The following KCNMB3 variants were observed in gnomAD, a reference collection of about 807,000 sequenced individuals.
The protein encoded by KCNMB3 is potassium calcium-activated channel subfamily M regulatory beta subunit 3, also known as calcium-activated potassium channel subunit beta-3.
KCNMB3 carries 18 observed loss-of-function variants against 11.9 expected under a neutral mutation model. The observed-to-expected ratio is 1.51, with a 90% CI of 1.04 to 2.23. The LOEUF (loss-of-function observed/expected upper bound fraction) is 2.23, where lower values mean the gene tolerates loss of function less well. Among genes scored for constraint, KCNMB3 ranks in the 30% most tolerant of loss-of-function variants. KCNMB3 has a pLI of 0.00. For synonymous variants in KCNMB3, 78 were observed against 119.2 expected, an observed-to-expected ratio of 0.65 and a Z score of 2.25; for missense variants, 247 against 329.4, an observed-to-expected ratio of 0.75 and a Z score of 1.94.
At chr3:179,262,425 T>C (rs998921626) in intron 1 of KCNMB3, among the ~76,000 whole-genome samples, 8 of 152,170 alleles carry the variant, frequency 5.3e-5, no homozygotes, top group African/African-American at 1.4e-4. Flanking sequence ...TCTCCCTGGC[T>C]TCAGGAGTGA....
At chr3:179,245,965 CAAAGT>C (rs1366221752) in intron 1 of KCNMB3, among the ~76,000 whole-genome samples, 2 of 152,184 alleles carry the variant, frequency 1.3e-5, no homozygotes, top group Non-Finnish European at 2.9e-5. Flanking sequence ...AAGTCCAAGA[CAAAGT>C]AAACGAGGGG....
upstream of KCNMB3, among the ~76,000 whole-genome samples, chr3:179,255,449 G>A (rs1576961174): frequency 6.6e-6 from 1 of 152,114 alleles, no homozygotes; most frequent in Non-Finnish European, 1.5e-5. Flanking sequence ...AAAATTTAAT[G>A]AACAGACATA....
rs1726178085 is a variant in KCNMB3 at position 179,260,710 on chromosome 3, T to C, written c.62+5939A>G. On this transcript the variant is annotated intron_variant, in intron 1 of 3. Coordinates refer to the KCNMB3 transcript ENST00000349697. ...TTCCATGTTTCTCGAGCATTTCCTCTGTTTGCTTCAGGGCCTCCTTGACTT... is the reference window on the plus strand; with the variant it reads ...TTCCATGTTTCTCGAGCATTTCCTCCGTTTGCTTCAGGGCCTCCTTGACTT... The C allele has an allele frequency of 2.1e-6, 3 of 1,420,196 alleles. No homozygotes were observed. The African/African-American group carries it at 4.2e-5, about 20-fold the overall frequency. 88.0% of individuals were successfully genotyped at this position (1,420,196 alleles called of 1,614,324 possible).
In KCNMB3 at chr3:179,244,205, G is replaced by A. The variant is rs187520706; in HGVS notation, c.447+290C>T. 2.4e-3 allele frequency among the ~76,000 whole-genome samples: 360 copies of A among 152,048 alleles called. 2 individuals are homozygous for A. Among genetic ancestry groups the A allele is most frequent in the African/African-American group, 7.7e-3 (320 of 41,464 alleles). ...CACTGTAGCATATGTCATATGGCGC[G>A]GAGTGGAATCTCCAAAAGAAAGACT... On this transcript the variant is annotated intron_variant, in intron 2 of 2. Coordinates refer to ENST00000392685, the MANE Select transcript of KCNMB3 (RefSeq NM_171830.2).
chr3:179,260,518 C>T, intron 1 of KCNMB3: 2 of 1,603,456 alleles, frequency 1.2e-6, no homozygotes, highest in Non-Finnish European at 8.5e-7. Context: ...ACATTCGCCA[C>T]GATTTCATTC....
At chr3:179,252,086 T>G (rs1336733294), upstream of KCNMB3, among the ~76,000 whole-genome samples, 1 of 152,120 alleles carries the variant, frequency 6.6e-6, no homozygotes, top group Non-Finnish European at 1.5e-5. Context: ...ACATTTCTCA[T>G]AAAAATGCTG....
chr3:179,243,944 C>A (rs577592524), intron 2 of KCNMB3, among the ~76,000 whole-genome samples: 1 of 152,106 alleles, frequency 6.6e-6, no homozygotes, highest in Non-Finnish European at 1.5e-5. Flanking sequence ...CAAAAGTCAT[C>A]GGATTGAAAT....
At chr3:179,255,080 A>G (rs1034254339), upstream of KCNMB3, among the ~76,000 whole-genome samples, 1 of 151,898 alleles carries the variant, frequency 6.6e-6, no homozygotes, top group African/African-American at 2.4e-5. Context: ...TGGGACAATC[A>G]CTTGAACCCA....
At chr3:179,264,474 C>T (rs62410376) in intron 1 of KCNMB3, among the ~76,000 whole-genome samples, 9,060 of 152,140 alleles carry the variant, frequency 0.06, 325 homozygotes, top group South Asian at 0.11. Flanking sequence ...AATACATGTC[C>T]GCTTCTAACC....
At chr3:179,250,279 T>C (rs1416659239) in intron 1 of KCNMB3, among the ~76,000 whole-genome samples, 1 of 152,170 alleles carries the variant, frequency 6.6e-6, no homozygotes, top group East Asian at 1.9e-4. Flanking sequence ...TATCACTACA[T>C]ATATTGAATA....
At chr3:179,265,140 T>C (rs1184491941) in intron 1 of KCNMB3, among the ~76,000 whole-genome samples, 1 of 152,234 alleles carries the variant, frequency 6.6e-6, no homozygotes, top group East Asian at 1.9e-4. Context: ...TGCCATAAAG[T>C]AATTCATTTT....
At chr3:179,266,546 A>T in intron 1 of KCNMB3, 1 of 1,376,302 alleles carries the variant, frequency 7.3e-7, no homozygotes, top group Non-Finnish European at 1.0e-6. Context: ...ATCCTCAGAG[A>T]AAAAGGAAAC....
chr3:179,247,730 T>A lies in KCNMB3; in HGVS notation c.248+3013A>T, dbSNP rs189651152. Among the ~76,000 whole-genome samples, 4 of 152,310 alleles carry A rather than the reference T, an allele frequency of 2.6e-5. No individual in the cohort carries two copies. In the East Asian group the frequency reaches 7.7e-4, roughly 29 times the overall value. On this transcript the variant is annotated intron_variant, in intron 1 of 2. Coordinates refer to ENST00000392685, the MANE Select transcript of KCNMB3 (RefSeq NM_171830.2). The stretch of plus-strand genomic sequence containing the variant: ...GCTAATACCAGAGAGAAGCTTCTTC[T>A]GGAATTCTTCCAACAGTGGCACTGT...
upstream of KCNMB3, among the ~76,000 whole-genome samples, chr3:179,252,970 T>C (rs369499419): frequency 6.6e-6 from 1 of 152,136 alleles, no homozygotes; most frequent in East Asian, 1.9e-4. Context: ...GACCTCGTGA[T>C]CCACCCACCT....
At chr3:179,255,593 T>A (rs1725986882), upstream of KCNMB3, among the ~76,000 whole-genome samples, 1 of 152,068 alleles carries the variant, frequency 6.6e-6, no homozygotes, top group African/African-American at 2.4e-5. Context: ...GAAAGATAGA[T>A]TAAATAGTGT....
At chr3:179,264,935 C>G (rs772505857) in intron 1 of KCNMB3, among the ~76,000 whole-genome samples, 5 of 152,074 alleles carry the variant, frequency 3.3e-5, no homozygotes, top group Non-Finnish European at 7.3e-5. Flanking sequence ...TTTGAAACAG[C>G]AAATAAGGTT....
rs755437025 is a variant in KCNMB3 at position 179,259,705 on chromosome 3, AT to A, written c.62+6943del. The A allele has an allele frequency of 5.5e-5, 87 of 1,593,026 alleles. No individual in the cohort carries two copies. In the Admixed American group the frequency reaches 5.9e-4, roughly 11 times the overall value. ...TTAAGGGTTTCTATGGGTACTGGGGATTTTTTCCTCTTCTTTTTCTTTTTCT... is the reference window on the plus strand; with the variant it reads ...TTAAGGGTTTCTATGGGTACTGGGGATTTTTCCTCTTCTTTTTCTTTTTCT... On this transcript the variant is annotated intron_variant, in intron 1 of 3. Coordinates refer to the KCNMB3 transcript ENST00000349697.
At chr3:179,261,081 A>G in intron 1 of KCNMB3, 3 of 1,107,376 alleles carry the variant, frequency 2.7e-6, no homozygotes, top group Non-Finnish European at 4.1e-6. Context: ...ATGTTACGAG[A>G]CCCCTTCTCA....
rs563737464 is a variant in KCNMB3, at chr3:179,244,889, G to A, written c.249-196C>T. 1.4e-4 allele frequency among the ~76,000 whole-genome samples: 21 copies of A among 152,256 alleles called. No homozygotes were observed. In the East Asian group the frequency reaches 2.9e-3, roughly 21 times the overall value. ...ATGGAAGACACAGAGTTGGGGTAAA[G>A]AGCCACAAAGTGCCAAGTTCCACCT... On this transcript the variant is annotated intron_variant, in intron 1 of 2. Coordinates refer to ENST00000392685, the MANE Select transcript of KCNMB3 (RefSeq NM_171830.2).
Sources: allele counts gnomAD v4.1 joint callset (sites outside exome capture counted in the v4.1 genomes callset), GRCh38; gene constraint gnomAD v4.1.1; transcripts MANE v1.5; gene names NCBI Gene and HGNC (gene_info 2026-07-23, HGNC 2026-07-21).